The following CADM1 variants were observed in gnomAD, a reference collection of about 807,000 sequenced individuals.
CADM1 encodes the protein TSLC-1.
Under a neutral mutation model 53.1 loss-of-function variants are expected in CADM1, and 15 were observed. The observed-to-expected ratio is 0.28, with a 90% CI of 0.19 to 0.44. The LOEUF (loss-of-function observed/expected upper bound fraction) is 0.44. Ranked by LOEUF, CADM1 falls within the 20% of genes least tolerant of loss-of-function variation. The pLI, the probability that CADM1 is intolerant of heterozygous loss-of-function variation, is 1.00. For missense variants in CADM1, 434 were observed against 611.3 expected (o/e 0.71, Z 3.06); for synonymous variants, 281 against 243.0 (o/e 1.16, Z -1.45).
At chr11:115,351,984 T>C (rs1945749471) in intron 1 of CADM1, among the ~76,000 whole-genome samples, 1 of 152,212 alleles carries the variant, frequency 6.6e-6, no homozygotes. Flanking sequence ...ATTGAACAAG[T>C]ACTTTAGGAG....
intron 10 of CADM1, among the ~76,000 whole-genome samples, chr11:115,187,312 G>A (rs770488079): frequency 3.3e-5 from 5 of 152,162 alleles, no homozygotes; most frequent in Non-Finnish European, 5.9e-5. Context: ...TTTCAAGTAA[G>A]TTTAGCCAGG....
At chr11:115,272,827 C>A (rs907225904) in intron 1 of CADM1, among the ~76,000 whole-genome samples, 2 of 151,140 alleles carry the variant, frequency 1.3e-5, no homozygotes, top group Non-Finnish European at 2.9e-5. Flanking sequence ...TGCAGCACAC[C>A]AGCATGGCAC....
intron 1 of CADM1, among the ~76,000 whole-genome samples, chr11:115,405,717 G>A (rs1248052607): frequency 6.6e-6 from 1 of 152,132 alleles, no homozygotes; most frequent in Admixed American, 6.6e-5. Flanking sequence ...GCAAATTTCA[G>A]AATACAACAG....
At chr11:115,473,313 G>A (rs769768003) in intron 1 of CADM1, among the ~76,000 whole-genome samples, 4 of 152,060 alleles carry the variant, frequency 2.6e-5, no homozygotes, top group Non-Finnish European at 4.4e-5. Flanking sequence ...TAAAAAATTC[G>A]CCAGGCGTGG....
intron 1 of CADM1, among the ~76,000 whole-genome samples, chr11:115,257,498 C>T (rs4936326): frequency 2.0e-3 from 307 of 152,282 alleles, no homozygotes; most frequent in South Asian, 5.2e-3. Context: ...AGAACCTTAA[C>T]CTTTAGAATG....
chr11:115,442,033 A>T (rs1185192509), intron 1 of CADM1, among the ~76,000 whole-genome samples: 1 of 152,016 alleles, frequency 6.6e-6, no homozygotes, highest in Non-Finnish European at 1.5e-5. Context: ...TTCAGCATGG[A>T]GCCAAGTGAA....
At chr11:115,218,358 T>C (rs1479271705) in intron 5 of CADM1, among the ~76,000 whole-genome samples, 4 of 152,156 alleles carry the variant, frequency 2.6e-5, no homozygotes, top group African/African-American at 9.7e-5. Context: ...ATTGATACAT[T>C]TTATCATATA....
At chr11:115,473,773 G>A (rs182119043) in intron 1 of CADM1, among the ~76,000 whole-genome samples, 5 of 151,946 alleles carry the variant, frequency 3.3e-5, no homozygotes, top group African/African-American at 1.2e-4. Flanking sequence ...CATGACTTTG[G>A]GTTAGACAAT....
chr11:115,342,416 G>A (rs1445828954), intron 1 of CADM1, among the ~76,000 whole-genome samples: 1 of 152,110 alleles, frequency 6.6e-6, no homozygotes, highest in Non-Finnish European at 1.5e-5. Flanking sequence ...GGAGATGGAA[G>A]GAAGATAAAG....
At chr11:115,309,843 T>C (rs1265724768) in intron 1 of CADM1, among the ~76,000 whole-genome samples, 2 of 152,284 alleles carry the variant, frequency 1.3e-5, no homozygotes, top group Admixed American at 1.3e-4. Context: ...GAGCACTTTC[T>C]ATGTGCATAG....
At chr11:115,353,677 T>C (rs1312064404) in intron 1 of CADM1, among the ~76,000 whole-genome samples, 1 of 152,134 alleles carries the variant, frequency 6.6e-6, no homozygotes, top group Non-Finnish European at 1.5e-5. Context: ...CATGCCTCAA[T>C]CCATAATCCA....
In CADM1 at chr11:115,175,797, A is replaced by G; in HGVS notation, c.*677T>C. Reference sequence around the variant, plus strand: ...CAGCAAACAGAACATTTTCTGAATCACAGTCTAATTTTCTAGTCTTCACTG... The same window carrying G: ...CAGCAAACAGAACATTTTCTGAATCGCAGTCTAATTTTCTAGTCTTCACTG... On this transcript the variant is annotated 3_prime_UTR_variant, in exon 12 of 12. Transcript: ENST00000331581. The G allele has an allele frequency of 1.0e-6, 1 of 992,918 alleles. No individual in the cohort carries two copies. The highest frequency in any genetic ancestry group is 1.7e-5 in the African/African-American group (1 of 57,382). The allele number at this position is 992,918 out of a possible 1,614,324, so 61.5% of individuals were successfully genotyped here.
chr11:115,185,622 A>G (rs1939505938), intron 10 of CADM1, among the ~76,000 whole-genome samples: 1 of 152,206 alleles, frequency 6.6e-6, no homozygotes, highest in African/African-American at 2.4e-5. Flanking sequence ...ACAGGATGCA[A>G]GATTTCTCCC....
intron 1 of CADM1, among the ~76,000 whole-genome samples, chr11:115,498,041 CA>C (rs1266728422): frequency 6.7e-6 from 1 of 148,858 alleles, no homozygotes; most frequent in African/African-American, 2.5e-5. Context: ...TCAGAAAAAC[CA>C]AAGACTTTTT....
intron 1 of CADM1, among the ~76,000 whole-genome samples, chr11:115,466,709 G>A (rs1441758647): frequency 3.3e-5 from 5 of 152,168 alleles, no homozygotes; most frequent in African/African-American, 9.7e-5. Flanking sequence ...TTAGGATCTC[G>A]AGTTTTTGTG....
At chr11:115,340,650 A>ATTTT (rs1565375180) in intron 1 of CADM1, among the ~76,000 whole-genome samples, 4 of 35,650 alleles carry the variant, frequency 1.1e-4, no homozygotes, top group African/African-American at 4.1e-4. Flanking sequence ...ATATATATAT[A>ATTTT]TATATATATT....
chr11:115,374,028 T>C (rs906910300), intron 1 of CADM1, among the ~76,000 whole-genome samples: 1 of 152,142 alleles, frequency 6.6e-6, no homozygotes, highest in Non-Finnish European at 1.5e-5. Context: ...CTAAAAACAG[T>C]GACCTATCCA....
At chr11:115,345,004 AC>A (rs751314195) in intron 1 of CADM1, among the ~76,000 whole-genome samples, 1 of 151,896 alleles carries the variant, frequency 6.6e-6, no homozygotes, top group Non-Finnish European at 1.5e-5. Context: ...CAGTGTTAAA[AC>A]TCTCTCATCA....
intron 1 of CADM1, among the ~76,000 whole-genome samples, chr11:115,242,468 T>A (rs1942272987): frequency 6.6e-6 from 1 of 152,102 alleles, no homozygotes; most frequent in African/African-American, 2.4e-5. Flanking sequence ...AGAAGAAAAT[T>A]TCTACCAATC....
Sources: gnomAD v4.1 joint callset for allele counts (sites outside exome capture counted in the v4.1 genomes callset) on GRCh38, gnomAD v4.1.1 for gene constraint, MANE v1.5 for transcripts, NCBI Gene and HGNC (gene_info 2026-07-23, HGNC 2026-07-21) for gene names.